Variants in AASS observed in about 807,000 individuals in gnomAD.
The protein encoded by AASS is alpha-aminoadipic semialdehyde synthase, mitochondrial.
AASS carries 86 observed loss-of-function variants against 105.4 expected under a neutral mutation model. The observed-to-expected ratio is 0.82, with a 90% CI of 0.69 to 0.98. The LOEUF (loss-of-function observed/expected upper bound fraction) is 0.98. Ranked by LOEUF, AASS falls within the 50% of genes least tolerant of loss-of-function variation. The pLI, the probability that AASS is intolerant of heterozygous loss-of-function variation, is 0.00. For missense variants in AASS, 1,048 were observed against 1,143.2 expected, an observed-to-expected ratio of 0.92 and a Z score of 1.20; for synonymous variants, 381 against 394.8, an observed-to-expected ratio of 0.96 and a Z score of 0.41.
At chr7:122,098,658 T>A in intron 14 of AASS, 82 bp from the exon 15 acceptor site, 1 of 1,586,286 alleles carries the variant, frequency 6.3e-7, no homozygotes, top group Non-Finnish European at 8.6e-7. Flanking sequence ...AATTTTCAAA[T>A]TTCAGAAACA....
chr7:122,096,553 G>A (rs1207917165), intron 15 of AASS, among the ~76,000 whole-genome samples: 2 of 151,942 alleles, frequency 1.3e-5, no homozygotes, highest in African/African-American at 4.8e-5. Flanking sequence ...ACTTGAGTCT[G>A]GGAGGTGAAG....
At chr7:122,094,774 C>G (rs766245514) in intron 15 of AASS, among the ~76,000 whole-genome samples, 1 of 151,456 alleles carries the variant, frequency 6.6e-6, no homozygotes, top group Admixed American at 6.6e-5. Flanking sequence ...GGATTTTTAG[C>G]CATTCTGATA....
At chr7:122,140,931 C>T (rs1796365252) in intron 1 of AASS, among the ~76,000 whole-genome samples, 1 of 151,308 alleles carries the variant, frequency 6.6e-6, no homozygotes, top group South Asian at 2.1e-4. Flanking sequence ...TCCCAAGAAG[C>T]ACTGGTGTCT....
At chr7:122,090,774 C>G (rs559356339) in intron 18 of AASS, among the ~76,000 whole-genome samples, 36 of 152,212 alleles carry the variant, frequency 2.4e-4, no homozygotes, top group African/African-American at 7.5e-4. Context: ...CTGTCACTTG[C>G]CATCTCTTTA....
intron 3 of AASS, among the ~76,000 whole-genome samples, chr7:122,128,240 G>A (rs1438430020): frequency 6.6e-6 from 1 of 152,192 alleles, no homozygotes; most frequent in Non-Finnish European, 1.5e-5. Flanking sequence ...GCCTAGGTTA[G>A]CAGCCTTCTT....
In AASS at chr7:122,083,712, G is replaced by A. The variant is rs1338099296; in HGVS notation, c.2185-2117C>T. Among the ~76,000 whole-genome samples the A allele has an allele frequency of 2.6e-5, 4 of 152,216 alleles. No homozygotes were observed. The South Asian group carries it at 6.2e-4, about 24-fold the overall frequency. The stretch of plus-strand genomic sequence containing the variant: ...GGGGAACTCACATAGATGGGGCTGG[G>A]TGGTTCAAGGGGAAGGAGTTAGGGA... On this transcript the variant is annotated intron_variant, in intron 19 of 23. Coordinates refer to ENST00000417368, the MANE Select transcript of AASS (RefSeq NM_005763.4).
Position 122,133,600 on chromosome 7 carries a change from C to A in AASS, c.127G>T (p.Ala43Ser), listed in dbSNP as rs1796008204. ...GTGATGCCTTTGATGTGCTTGGGAG[C>A]TAGCGGGGCCCTTCTCTCCCAGGCG... Reference protein sequence around the residue: ...VNAWERRAPLAPKHIKGITNL... With the variant: ...VNAWERRAPLSPKHIKGITNL... The change falls in exon 2 of 24, where the codon GCT (alanine) becomes TCT (serine). Residue 43 changes from alanine (A) to serine (S), a missense_variant. Transcript: ENST00000417368. The A allele has an allele frequency of 3.1e-6, 5 of 1,614,152 alleles. No homozygotes were observed. Among genetic ancestry groups the A allele is most frequent in the Non-Finnish European group, 4.2e-6 (5 of 1,180,018 alleles).
At chr7:122,095,138 T>A (rs1441909700) in intron 15 of AASS, among the ~76,000 whole-genome samples, 2 of 152,104 alleles carry the variant, frequency 1.3e-5, no homozygotes, top group African/African-American at 4.8e-5. Flanking sequence ...CTACAGCTAA[T>A]GTATTACATT....
chr7:122,092,633 A>C (rs1793958792), intron 17 of AASS, among the ~76,000 whole-genome samples: 1 of 152,056 alleles, frequency 6.6e-6, no homozygotes, highest in South Asian at 2.1e-4. Flanking sequence ...CTGAAGCAGG[A>C]GTATTACTTG....
chr7:122,113,074 A>G (rs376653018), intron 11 of AASS, 44 bp downstream of exon 11: 11 of 1,483,500 alleles, frequency 7.4e-6, no homozygotes, highest in Non-Finnish European at 9.4e-6. Context: ...CAATTATTCA[A>G]TTTAAAGCCA....
Position 122,113,171 on chromosome 7 carries a change from T to A in AASS, c.1225A>T (p.Ile409Phe). ...TCTCCAAAGCATTCTGTAGCTTCAA[T>A]TGGGAGCTGTGCCGGCAAATTGTCA... ...SIDNLPAQLP[I>F]EATECFGDML... is the part of the protein sequence containing the mutation. Residue 409 changes from isoleucine (I) to phenylalanine (F), a missense_variant, in exon 11 of 24, where the codon ATT becomes TTT. Physicochemically the swap from Ile to Phe is conservative, Grantham distance 21 (BLOSUM62 0). Transcript: ENST00000417368. 1 of 1,614,034 alleles carries A rather than the reference T, an allele frequency of 6.2e-7. No individual in the cohort carries two copies. The highest frequency in any genetic ancestry group is 8.5e-7 in the Non-Finnish European group (1 of 1,179,948).
chr7:122,120,581 A>G (rs111236065), intron 4 of AASS, among the ~76,000 whole-genome samples: 1 of 151,510 alleles, frequency 6.6e-6, no homozygotes, highest in South Asian at 2.1e-4. Flanking sequence ...TTTATTATTT[A>G]TTTCTTTCTA....
At chr7:122,101,546 G>A (rs1794432792) in intron 12 of AASS, 75 bp downstream of exon 12, 1 of 1,479,698 alleles carries the variant, frequency 6.8e-7, no homozygotes, top group Admixed American at 1.7e-5. Context: ...TGGAGAGAGA[G>A]AGAAACAGAG....
chr7:122,128,426 C>T (rs1419137701), intron 3 of AASS, among the ~76,000 whole-genome samples: 1 of 152,150 alleles, frequency 6.6e-6, no homozygotes, highest in Non-Finnish European at 1.5e-5. Flanking sequence ...TTGCTCAATG[C>T]CACTTTCACA....
At chr7:122,111,382 C>T (rs1304471179) in intron 11 of AASS, among the ~76,000 whole-genome samples, 1 of 152,026 alleles carries the variant, frequency 6.6e-6, no homozygotes, top group African/African-American at 2.4e-5. Flanking sequence ...AAGACATTTT[C>T]AGATAAAGGA....
At chr7:122,104,574 A>G (rs1451107294) in intron 11 of AASS, among the ~76,000 whole-genome samples, 1 of 152,156 alleles carries the variant, frequency 6.6e-6, no homozygotes, top group East Asian at 1.9e-4. Context: ...CCTAGGTGAC[A>G]GAGCAAGACT....
Position 122,075,857 on chromosome 7 carries a change from CTG to C in AASS, c.*630_*631del, listed in dbSNP as rs1161533664. On this transcript the variant is annotated 3_prime_UTR_variant, in exon 24 of 24. Transcript: ENST00000417368. ...ACTTAGGTAATCTGAAGGTATCTAA[CTG>C]TATCAATTTTAAAAATATAAAAATA... 6.6e-6 allele frequency: 1 copy of C among 152,054 alleles called. No homozygotes were observed. The highest frequency in any genetic ancestry group is 1.5e-5 in the Non-Finnish European group (1 of 68,040). 9.4% of individuals were successfully genotyped at this position (152,054 alleles called of 1,614,324 possible).
chr7:122,094,088 C>T (rs1794030007), intron 15 of AASS, among the ~76,000 whole-genome samples: 1 of 151,958 alleles, frequency 6.6e-6, no homozygotes, highest in African/African-American at 2.4e-5. Flanking sequence ...CTGAGGACTA[C>T]AAGAGGGAAG....
chr7:122,143,850 G>T (rs1231748549), intron 1 of AASS, among the ~76,000 whole-genome samples: 1 of 152,168 alleles, frequency 6.6e-6, no homozygotes, highest in Non-Finnish European at 1.5e-5. Flanking sequence ...AAAGAAATCC[G>T]AATTGCAATC....
Sources: gnomAD v4.1 joint callset for allele counts (sites outside exome capture counted in the v4.1 genomes callset) on GRCh38, gnomAD v4.1.1 for gene constraint, MANE v1.5 for transcripts, NCBI Gene and HGNC (gene_info 2026-07-23, HGNC 2026-07-21) for gene names.